The following STRAP variants were observed in gnomAD, a reference collection of about 807,000 sequenced individuals.
STRAP encodes serine-threonine kinase receptor-associated protein.
Under a neutral mutation model 47.0 loss-of-function variants are expected in STRAP, and 16 were observed. The observed-to-expected ratio is 0.34, with a 90% CI of 0.23 to 0.52. The LOEUF (loss-of-function observed/expected upper bound fraction) is 0.52. Ranked by LOEUF, STRAP falls within the 20% of genes least tolerant of loss-of-function variation. STRAP has a pLI of 0.96. For synonymous variants in STRAP, 130 were observed against 142.7 expected (o/e 0.91, Z 0.63); for missense variants, 293 against 420.0 (o/e 0.70, Z 2.64).
intron 2 of STRAP, among the ~76,000 whole-genome samples, chr12:15,886,250 C>T (rs921603412): frequency 8.6e-5 from 13 of 151,200 alleles, no homozygotes; most frequent in South Asian, 2.1e-4. Context: ...AGTGCAGTGG[C>T]GTGATCATAG....
intron 1 of STRAP, chr12:15,883,056 A>G (rs879666551): frequency 6.5e-7 from 1 of 1,535,302 alleles, no homozygotes; most frequent in East Asian, 2.4e-5. Flanking sequence ...CTCTCTCCTT[A>G]TTTTATTTTT....
intron 2 of STRAP, 80 bp downstream of exon 2, chr12:15,883,756 A>G (rs1947943824): frequency 6.5e-7 from 1 of 1,530,482 alleles, no homozygotes; most frequent in African/African-American, 1.4e-5. Flanking sequence ...AGTGTCAGAT[A>G]TTCATAAAAT....
At chr12:15,891,090 A>C (rs984560434) in intron 4 of STRAP, among the ~76,000 whole-genome samples, 1 of 152,126 alleles carries the variant, frequency 6.6e-6, no homozygotes, top group African/African-American at 2.4e-5. Flanking sequence ...ACAAAGAAGA[A>C]AATTAAAACG....
intron 2 of STRAP, among the ~76,000 whole-genome samples, chr12:15,884,676 G>A (rs1049516112): frequency 6.6e-6 from 1 of 152,090 alleles, no homozygotes; most frequent in Non-Finnish European, 1.5e-5. Context: ...CTGGGGTTAC[G>A]GGGGTGAACT....
At chr12:15,885,623 G>A (rs917822918) in intron 2 of STRAP, among the ~76,000 whole-genome samples, 2 of 151,630 alleles carry the variant, frequency 1.3e-5, no homozygotes, top group South Asian at 2.1e-4. Context: ...TGGCAGATAC[G>A]TGACTGTATG....
chr12:15,901,236 G>A (rs994915462), intron 9 of STRAP, among the ~76,000 whole-genome samples: 20 of 152,110 alleles, frequency 1.3e-4, no homozygotes, highest in African/African-American at 4.1e-4. Flanking sequence ...GGACACAACC[G>A]ATGTGGTTAC....
rs767605221 is a variant in STRAP at position 15,887,986 on chromosome 12, GCTTT to G, written c.249-1939_249-1936del. 9.2e-5 allele frequency among the ~76,000 whole-genome samples: 14 copies of G among 152,150 alleles called. No homozygotes were observed. Among genetic ancestry groups the G allele is most frequent in the Non-Finnish European group, 1.6e-4 (11 of 68,018 alleles). On this transcript the variant is annotated intron_variant, in intron 2 of 9. Coordinates refer to ENST00000419869, the MANE Select transcript of STRAP (RefSeq NM_007178.4). The surrounding 1 kb of genome is among the most constrained non-coding windows in gnomAD (Gnocchi z 5.5). ...ATTTGTTGTTTTCTTCACTTTTGAT[GCTTT>G]CTGTCATTCTAATACTTGTGAACCC...
Position 15,902,957 on chromosome 12 carries a change from A to C in STRAP, c.1032A>C (p.Ser344=), listed in dbSNP as rs1295106891. The C allele has an allele frequency of 4.0e-6, 6 of 1,509,636 alleles. No homozygotes were observed. Among genetic ancestry groups the C allele is most frequent in the Non-Finnish European group, 5.2e-6 (6 of 1,143,806 alleles). The allele number at this position is 1,509,636 out of a possible 1,614,324, so 93.5% of individuals were successfully genotyped here. ...ASENSDCIFP[S]APDVKA Reference sequence around the variant, plus strand: ...AGAATTCAGATTGCATCTTTCCTTCAGCTCCTGATGTTAAGGCCTGAGCGT... The same window carrying C: ...AGAATTCAGATTGCATCTTTCCTTCCGCTCCTGATGTTAAGGCCTGAGCGT... Residue 344 remains serine (S), a synonymous_variant, in exon 10 of 10, where the codon TCA becomes TCC. Coordinates refer to ENST00000419869, the MANE Select transcript of STRAP (RefSeq NM_007178.4).
intron 9 of STRAP, among the ~76,000 whole-genome samples, chr12:15,901,854 C>CT (rs1161084474): frequency 2.0e-5 from 2 of 97,832 alleles, no homozygotes; most frequent in East Asian, 3.1e-4. Flanking sequence ...GAGAGAGACT[C>CT]TGTCTCAAAA....
In STRAP at chr12:15,882,694, G is replaced by A; in HGVS notation, c.-14G>A. 1 of 1,602,152 alleles carries A rather than the reference G, an allele frequency of 6.2e-7. No individual in the cohort carries two copies. The highest frequency in any genetic ancestry group is 1.7e-4 in the Middle Eastern group (1 of 6,050). ...CCTCAGCTCGCCAGTCCGGTCGCTG[G>A]CTTCGCCGCCGCCATGGCAATGAGA... On this transcript the variant is annotated 5_prime_UTR_variant, in exon 1 of 10. Coordinates refer to ENST00000419869, the MANE Select transcript of STRAP (RefSeq NM_007178.4).
At chr12:15,882,876 G>A in intron 1 of STRAP, 57 bp downstream of exon 1, 1 of 1,533,670 alleles carries the variant, frequency 6.5e-7, no homozygotes. Flanking sequence ...AAAGGGATCG[G>A]GACCCGCACG....
rs1467884141 is a variant in STRAP, at chr12:15,896,961, T to C, written c.639-921T>C. ...CAATTAAGCAATGTCAAGGAGTTTA[T>C]ACACATACAGTAAACTGATAGTAGT... is the stretch of plus-strand genomic sequence containing the variant. On this transcript the variant is annotated intron_variant, in intron 6 of 9. Coordinates refer to ENST00000419869, the MANE Select transcript of STRAP (RefSeq NM_007178.4). This position sits in a 1 kb window ranked among gnomAD's most constrained non-coding sequence, Gnocchi z 4.1. 6.6e-6 allele frequency among the ~76,000 whole-genome samples: 1 copy of C among 152,228 alleles called. No individual in the cohort carries two copies. The highest frequency in any genetic ancestry group is 2.4e-5 in the African/African-American group (1 of 41,458).
intron 6 of STRAP, 126 bp from the exon 7 acceptor site, chr12:15,897,756 T>G: frequency 5.9e-6 from 3 of 511,004 alleles, no homozygotes; most frequent in Non-Finnish European, 9.4e-6. Flanking sequence ...TTTACATCAG[T>G]GTTTATGTTT....
chr12:15,901,137 TA>T (rs2136114369), intron 9 of STRAP, 125 bp downstream of exon 9: 1 of 624,740 alleles, frequency 1.6e-6, no homozygotes, highest in East Asian at 3.2e-5. Flanking sequence ...ATGGAAACTT[TA>T]AATATTTATG....
At position 15,882,497 on chromosome 12, in the gene STRAP, T is replaced by G; in HGVS notation, c.-211T>G. The G allele has an allele frequency of 2.0e-6, 1 of 489,176 alleles. No homozygotes were observed. Among genetic ancestry groups the G allele is most frequent in the Non-Finnish European group, 3.7e-6 (1 of 268,582 alleles). 30.3% of individuals were successfully genotyped at this position (489,176 alleles called of 1,614,324 possible). ...TCCCTCCCTCCCTTTCCCTCCCTCG[T>G]CGACTGTTGCTTGCTGGTCGCAGAC... On this transcript the variant is annotated 5_prime_UTR_variant, in exon 1 of 10. Coordinates refer to ENST00000419869, the MANE Select transcript of STRAP (RefSeq NM_007178.4).
At position 15,898,644 on chromosome 12, in the gene STRAP, T is replaced by C. The variant is rs146039811; in HGVS notation, c.775+626T>C. Among the ~76,000 whole-genome samples, 1,271 of 152,360 alleles carry C rather than the reference T, an allele frequency of 8.3e-3. 20 individuals are homozygous for C. The highest frequency in any genetic ancestry group is 0.029 in the African/African-American group (1,206 of 41,566). ...GGCATGGGGATTAATTTGAAGTTAA[T>C]GTATATTTATCTGATGGACCAGGTA... On this transcript the variant is annotated intron_variant, in intron 7 of 9. Coordinates refer to ENST00000419869, the MANE Select transcript of STRAP (RefSeq NM_007178.4).
intron 4 of STRAP, among the ~76,000 whole-genome samples, chr12:15,892,639 A>G (rs974023455): frequency 6.6e-6 from 1 of 152,202 alleles, no homozygotes; most frequent in Non-Finnish European, 1.5e-5. Flanking sequence ...TTACATTTTA[A>G]TGTTACAGTA....
At chr12:15,885,187 T>G (rs1327262326) in intron 2 of STRAP, among the ~76,000 whole-genome samples, 4 of 147,378 alleles carry the variant, frequency 2.7e-5, no homozygotes, top group Non-Finnish European at 4.5e-5. Context: ...GGTGTTTTTT[T>G]TTTTTTTTTT....
chr12:15,895,600 G>A, intron 6 of STRAP, 104 bp downstream of exon 6: 1 of 1,294,720 alleles, frequency 7.7e-7, no homozygotes, highest in South Asian at 1.4e-5. Context: ...AAAGAGGCCA[G>A]GAGTGGTGGC....
Sources: gnomAD v4.1 joint callset for allele counts (sites outside exome capture counted in the v4.1 genomes callset) on GRCh38, gnomAD v4.1.1 for gene constraint, Gnocchi (gnomAD v3.1) non-coding constraint, MANE v1.5 for transcripts, NCBI Gene and HGNC (gene_info 2026-07-23, HGNC 2026-07-21) for gene names.